The following VWDE variants were observed in gnomAD, a reference collection of about 807,000 sequenced individuals.
The protein encoded by VWDE is von Willebrand factor D and EGF domain-containing protein.
A neutral mutation model predicts 178.4 loss-of-function variants in VWDE; 207 were observed. The observed-to-expected ratio is 1.16, with a 90% CI of 1.04 to 1.30. The LOEUF is 1.30. Ranked by LOEUF, VWDE falls within the 50% of genes most tolerant of loss-of-function variation. The pLI is 0.00. For missense variants in VWDE, 2,287 were observed against 1,901.3 expected (o/e 1.20, Z -3.77); for synonymous variants, 738 against 651.4 (o/e 1.13, Z -2.02).
rs185469011 is a variant in VWDE at position 12,389,314 on chromosome 7, T to G, written c.288A>C (p.Arg96Ser). The G allele has an allele frequency of 3.7e-4, 572 of 1,550,726 alleles. 2 individuals are homozygous for G. The African/African-American group carries it at 6.5e-3, about 17-fold the overall frequency. The change falls in exon 3 of 29, where the codon AGA becomes AGC. Residue 96 changes from arginine (R) to serine (S), a missense_variant. Physicochemically the swap from Arg to Ser is moderately radical, Grantham distance 110. Transcript: ENST00000275358. ...CAGGAGATGGCAGTGTTTCTGAATCTCTCAGAGACAGCCAGATGGGGGCCT... is the reference window on the plus strand; with the variant it reads ...CAGGAGATGGCAGTGTTTCTGAATCGCTCAGAGACAGCCAGATGGGGGCCT... ...GTQAPIWLSLRDSETLPSPGE... is the reference protein window; with the variant it reads ...GTQAPIWLSLSDSETLPSPGE...
chr7:12,345,857 G>C (rs1781570802), intron 19 of VWDE, among the ~76,000 whole-genome samples: 1 of 152,170 alleles, frequency 6.6e-6, no homozygotes, highest in Non-Finnish European at 1.5e-5. Context: ...ATGAGCGGGA[G>C]ATGTTGTTAG....
At chr7:12,390,143 C>T (rs1334241929) in intron 2 of VWDE, among the ~76,000 whole-genome samples, 11 of 145,408 alleles carry the variant, frequency 7.6e-5, no homozygotes, top group South Asian at 6.5e-4. Flanking sequence ...CCAGCCTGGG[C>T]GACAGAGCGA....
At chr7:12,364,355 C>T (rs1421729665) in intron 13 of VWDE, among the ~76,000 whole-genome samples, 2 of 152,066 alleles carry the variant, frequency 1.3e-5, no homozygotes, top group African/African-American at 4.8e-5. Flanking sequence ...AATGGAACTA[C>T]AGTCTTTAGA....
chr7:12,397,983 A>C (rs975893853), intron 1 of VWDE, among the ~76,000 whole-genome samples: 8 of 152,224 alleles, frequency 5.3e-5, no homozygotes, highest in African/African-American at 1.9e-4. Context: ...TAAATCAGTC[A>C]CTATGAAAAG....
chr7:12,377,547 A>AT (rs1291604319), intron 7 of VWDE: 11 of 325,686 alleles, frequency 3.4e-5, no homozygotes, highest in Middle Eastern at 8.1e-4. Flanking sequence ...ATTATTCACT[A>AT]TTTTTTTTCT....
chr7:12,357,519 T>C lies in VWDE; in HGVS notation c.3275-4A>G. The C allele has an allele frequency of 1.3e-6, 2 of 1,552,008 alleles. No individual in the cohort carries two copies. Among genetic ancestry groups the C allele is most frequent in the Non-Finnish European group, 1.7e-6 (2 of 1,147,018 alleles). On this transcript the variant is annotated splice_polypyrimidine_tract_variant and splice_region_variant and intron_variant, in intron 16 of 28. Coordinates refer to ENST00000275358, the MANE Select transcript of VWDE (RefSeq NM_001135924.3). ...TGAATCACTGGGGGCTGGTTGTCTG[T>C]AATAGAGAAAACACTTAACTTTATA...
At chr7:12,378,496 C>T (rs1201985598) in intron 6 of VWDE, among the ~76,000 whole-genome samples, 1 of 152,132 alleles carries the variant, frequency 6.6e-6, no homozygotes, top group Non-Finnish European at 1.5e-5. Context: ...TTTTTTGAGG[C>T]AGGAATGTTT....
intron 12 of VWDE, 145 bp from the exon 13 acceptor site, chr7:12,367,638 C>A (rs903787110): frequency 1.7e-6 from 1 of 600,584 alleles, no homozygotes; most frequent in Non-Finnish European, 2.6e-6. Context: ...ACTAATTAAG[C>A]CATTAAATGT....
chr7:12,397,354 A>C (rs1784679150), intron 1 of VWDE, among the ~76,000 whole-genome samples: 1 of 152,198 alleles, frequency 6.6e-6, no homozygotes, highest in Non-Finnish European at 1.5e-5. Context: ...TCCTTGGATA[A>C]CTGGCTAGCC....
chr7:12,362,425 C>T (rs1330147662), intron 13 of VWDE, among the ~76,000 whole-genome samples: 1 of 152,048 alleles, frequency 6.6e-6, no homozygotes, highest in Non-Finnish European at 1.5e-5. Flanking sequence ...ACTTAGTTCA[C>T]TCTACTTAAT....
rs768434209 is a variant in VWDE, at chr7:12,374,763, C to G, written c.1243-1G>C. 3.5e-5 allele frequency: 54 copies of G among 1,521,296 alleles called. No homozygotes were observed. In the South Asian group the frequency reaches 5.0e-4, roughly 14 times the overall value. 94.2% of individuals were successfully genotyped at this position (1,521,296 alleles called of 1,614,324 possible). Reference sequence around the variant, plus strand: ...CAGTTGGGACATCCTTTACTTTGATCTTAAAAGCAAAGATATTTTTGGTAA... The same window carrying G: ...CAGTTGGGACATCCTTTACTTTGATGTTAAAAGCAAAGATATTTTTGGTAA... On this transcript the variant is annotated splice_acceptor_variant, in intron 8 of 28. Transcript: ENST00000275358. LOFTEE classifies it high-confidence loss of function.
intron 26 of VWDE, 117 bp downstream of exon 26, chr7:12,336,871 T>C: frequency 7.4e-6 from 7 of 939,966 alleles, no homozygotes; most frequent in South Asian, 5.6e-5. Context: ...AGAATAAATA[T>C]GCAAAAATTT....
chr7:12,386,704 C>T (rs1014853735), intron 3 of VWDE, among the ~76,000 whole-genome samples: 4 of 152,170 alleles, frequency 2.6e-5, no homozygotes, highest in Admixed American at 6.6e-5. Flanking sequence ...TTTTGTTAGA[C>T]GTTTCGCTGG....
intron 7 of VWDE, 50 bp from the exon 8 acceptor site, chr7:12,375,277 C>T (rs974205671): frequency 4.5e-5 from 55 of 1,228,282 alleles, no homozygotes; most frequent in Non-Finnish European, 6.0e-5. Context: ...ATATACTAAC[C>T]AAAGCATGTA....
At chr7:12,376,022 AT>A (rs1364118773) in intron 7 of VWDE, among the ~76,000 whole-genome samples, 1 of 152,126 alleles carries the variant, frequency 6.6e-6, no homozygotes, top group Non-Finnish European at 1.5e-5. Context: ...TTGTTAAAAA[AT>A]GTTCTATCTT....
At chr7:12,398,109 G>A (rs1043390833) in intron 1 of VWDE, among the ~76,000 whole-genome samples, 4 of 152,206 alleles carry the variant, frequency 2.6e-5, no homozygotes, top group Admixed American at 2.6e-4. Flanking sequence ...ACATGTACTG[G>A]TACGTTCATC....
At chr7:12,335,776 C>T (rs1469986108) in intron 27 of VWDE, among the ~76,000 whole-genome samples, 1 of 151,972 alleles carries the variant, frequency 6.6e-6, no homozygotes, top group Non-Finnish European at 1.5e-5. Flanking sequence ...ATTTTTAATA[C>T]ATTTTCATAT....
At chr7:12,368,514 T>C (rs1199320790) in intron 12 of VWDE, among the ~76,000 whole-genome samples, 1 of 151,986 alleles carries the variant, frequency 6.6e-6, no homozygotes, top group African/African-American at 2.4e-5. Flanking sequence ...CTGGCTCCTT[T>C]GAGGAACAGC....
intron 2 of VWDE, among the ~76,000 whole-genome samples, chr7:12,390,375 T>A (rs562308210): frequency 1.3e-5 from 2 of 151,992 alleles, no homozygotes; most frequent in Non-Finnish European, 1.5e-5. Flanking sequence ...TAGGTGGAAG[T>A]GGTACCCACC....
Sources: gnomAD v4.1 joint callset for allele counts (sites outside exome capture counted in the v4.1 genomes callset) on GRCh38, gnomAD v4.1.1 for gene constraint, MANE v1.5 for transcripts, NCBI Gene and HGNC (gene_info 2026-07-23, HGNC 2026-07-21) for gene names.